Variants in ECHDC2 observed in about 807,000 individuals in gnomAD.
ECHDC2 encodes the protein enoyl-CoA hydratase domain containing 2, also known as enoyl-CoA hydratase domain-containing protein 2, mitochondrial.
ECHDC2 carries 34 observed loss-of-function variants against 40.6 expected under a neutral mutation model. The ratio of observed to expected loss-of-function variants is 0.84; its 90% confidence interval spans 0.64 to 1.11. The LOEUF (loss-of-function observed/expected upper bound fraction) is 1.11, where lower values mean the gene tolerates loss of function less well. Among genes scored for constraint, ECHDC2 ranks in the 50% most tolerant of loss-of-function variants. ECHDC2 has a pLI of 0.00. For synonymous variants in ECHDC2, 162 were observed against 166.6 expected (o/e 0.97, Z 0.21); for missense variants, 392 against 400.7 (o/e 0.98, Z 0.19).
chr1:52,902,943 C>T (rs1313485415), intron 7 of ECHDC2, among the ~76,000 whole-genome samples: 1 of 152,048 alleles, frequency 6.6e-6, no homozygotes. Flanking sequence ...CATTAAGGTA[C>T]CTAGCATTAT....
At chr1:52,911,864 G>C (rs1649604412) in intron 1 of ECHDC2, 74 bp from the exon 2 acceptor site, 1 of 1,580,454 alleles carries the variant, frequency 6.3e-7, no homozygotes, top group African/African-American at 1.3e-5. Context: ...GGGGACTGGA[G>C]GCAGGAGGCC....
intron 4 of ECHDC2, 150 bp downstream of exon 4, chr1:52,907,718 A>C: frequency 1.5e-6 from 1 of 656,060 alleles, no homozygotes; most frequent in South Asian, 2.1e-5. Context: ...GCCCTCGGTC[A>C]TCCTCCTCCA....
chr1:52,906,457 C>A (rs1358390974), intron 5 of ECHDC2, 62 bp downstream of exon 5: 1 of 1,345,688 alleles, frequency 7.4e-7, no homozygotes. Flanking sequence ...TCCAGACTCA[C>A]CCTGTTTCAC....
chr1:52,921,589 C>G lies in ECHDC2; in HGVS notation c.85G>C (p.Glu29Gln). The stretch of plus-strand genomic sequence containing the variant: ...CCCGCCAGGGCGCGCACTTGGATCT[C>G]TGAGCCCCCGGCCGCCCCGTCGGAA... The part of the protein sequence containing the change: ...CASDGAAGGS[E>Q]IQVRALAGPD... The change falls in exon 1 of 10, where the codon GAG becomes CAG. Residue 29 changes from glutamate (E) to glutamine (Q), a missense_variant. Physicochemically the swap from Glu to Gln is conservative, Grantham distance 29 (BLOSUM62 2). Coordinates refer to ENST00000371522, the MANE Select transcript of ECHDC2 (RefSeq NM_001198961.2). 6.2e-7 allele frequency: 1 copy of G among 1,608,240 alleles called. No individual in the cohort carries two copies. Among genetic ancestry groups the G allele is most frequent in the Non-Finnish European group, 8.5e-7 (1 of 1,178,002 alleles).
intron 7 of ECHDC2, among the ~76,000 whole-genome samples, chr1:52,903,813 CTTTCTTTCTTTT>C (rs1271953837): frequency 2.7e-5 from 4 of 149,596 alleles, no homozygotes; most frequent in Non-Finnish European, 4.4e-5. Context: ...GTATTTCTTT[CTTTCTTTCTTTT>C]TTTTTTTTTT....
rs1197613280 is a variant in ECHDC2 at position 52,908,915 on chromosome 1, G to T, written c.278-961C>A. ...AGATTGTGCCACTGCGCTCCATCCT[G>T]GGTGACAGAGTCTCAAAAAAAAAAA... On this transcript the variant is annotated intron_variant, in intron 3 of 9. Coordinates refer to ENST00000371522, the MANE Select transcript of ECHDC2 (RefSeq NM_001198961.2). Among the ~76,000 whole-genome samples, 7 of 142,764 alleles carry T rather than the reference G, an allele frequency of 4.9e-5. No individual in the cohort carries two copies. In the East Asian group the frequency reaches 1.4e-3, roughly 28 times the overall value. The allele number at this position is 142,764 out of a possible 152,430, so 93.7% of individuals were successfully genotyped here. A position where few individuals can be genotyped will look rare whatever the true frequency, so the allele number is the denominator to read the frequency against.
Position 52,908,929 on chromosome 1 carries a change from CAAAAAAAAAAAAAA to C in ECHDC2, c.278-989_278-976del, listed in dbSNP as rs34090739. Among the ~76,000 whole-genome samples, 242 of 43,870 alleles carry C rather than the reference CAAAAAAAAAAAAAA, an allele frequency of 5.5e-3. 2 individuals carry two copies. Among genetic ancestry groups the C allele is most frequent in the Middle Eastern group, 0.017 (1 of 58 alleles). The allele number at this position is 43,870 out of a possible 152,430, so 28.8% of individuals were successfully genotyped here. On this transcript the variant is annotated intron_variant, in intron 3 of 9. Coordinates refer to ENST00000371522, the MANE Select transcript of ECHDC2 (RefSeq NM_001198961.2). ...CGCTCCATCCTGGGTGACAGAGTCT[CAAAAAAAAAAAAAA>C]AAAAAAAAAAAGGAAAAAGGACTTG...
At chr1:52,896,697 G>A in intron 9 of ECHDC2, 100 bp from the exon 10 acceptor site, 1 of 958,754 alleles carries the variant, frequency 1.0e-6, no homozygotes, top group Non-Finnish European at 1.6e-6. Context: ...CAGGGTCCAA[G>A]TGTTTCCATT....
At chr1:52,921,216 G>T (rs980384657) in intron 1 of ECHDC2, among the ~76,000 whole-genome samples, 2 of 152,176 alleles carry the variant, frequency 1.3e-5, no homozygotes, top group Non-Finnish European at 2.9e-5. Flanking sequence ...CCCTTGGCGG[G>T]GGAGGGGAAC....
chr1:52,918,801 A>G (rs1398743203), intron 1 of ECHDC2, among the ~76,000 whole-genome samples: 1 of 152,184 alleles, frequency 6.6e-6, no homozygotes, highest in Non-Finnish European at 1.5e-5. Context: ...CTAGGTGTAC[A>G]GTGTTATAGA....
chr1:52,921,433 T>G lies in ECHDC2; in HGVS notation c.121+120A>C, dbSNP rs1557526577. 2.1e-6 allele frequency: 3 copies of G among 1,437,764 alleles called. No individual in the cohort carries two copies. In the African/African-American group the frequency reaches 4.4e-5, roughly 21 times the overall value. The allele number at this position is 1,437,764 out of a possible 1,614,324, so 89.1% of individuals were successfully genotyped here. Reference sequence around the variant, plus strand: ...TGGAGCGGTTTGGGGCGCCTAGAACTGGGAGGGAGGGACTGGGGATCGAAT... The same window carrying G: ...TGGAGCGGTTTGGGGCGCCTAGAACGGGGAGGGAGGGACTGGGGATCGAAT... On this transcript the variant is annotated intron_variant, in intron 1 of 9. Transcript: ENST00000371522.
chr1:52,899,107 T>G, intron 8 of ECHDC2, 67 bp downstream of exon 8: 2 of 1,524,320 alleles, frequency 1.3e-6, no homozygotes, highest in East Asian at 4.5e-5. Context: ...GTCTGAGCTC[T>G]GAAAGCACTG....
intron 1 of ECHDC2, 121 bp downstream of exon 1, chr1:52,921,432 C>T: frequency 3.5e-6 from 5 of 1,438,138 alleles, no homozygotes; most frequent in Non-Finnish European, 4.6e-6. Flanking sequence ...GCGCCTAGAA[C>T]TGGGAGGGAG....
chr1:52,917,570 G>A (rs1311764863), intron 1 of ECHDC2: 1 of 456,084 alleles, frequency 2.2e-6, no homozygotes, highest in Non-Finnish European at 4.4e-6. Flanking sequence ...GGGTAGAGGA[G>A]GGAGGATGGA....
At chr1:52,909,584 A>G (rs1264164208) in intron 3 of ECHDC2, among the ~76,000 whole-genome samples, 1 of 152,078 alleles carries the variant, frequency 6.6e-6, no homozygotes, top group Non-Finnish European at 1.5e-5. Context: ...AAGTTTACAA[A>G]TTTGTGTTGG....
Position 52,911,600 on chromosome 1 carries a change from G to A in ECHDC2, c.243C>T (p.Leu81=), listed in dbSNP as rs777683028. The change falls in exon 3 of 10, where the codon CTC becomes CTT. Residue 81 remains leucine (L), a synonymous_variant. Transcript: ENST00000371522. ...LREDRQVRVL[L]FRSGVKGVFC... The stretch of plus-strand genomic sequence containing the variant: ...ACACGCCCTTCACTCCACTTCTGAA[G>A]AGCAGGACACGCACTTGCCGGTCCT... 68 of 1,613,970 alleles carry A rather than the reference G, an allele frequency of 4.2e-5. No individual in the cohort carries two copies. The highest frequency in any genetic ancestry group is 5.6e-5 in the Non-Finnish European group (66 of 1,180,012).
chr1:52,906,137 T>A (rs2150049294), intron 5 of ECHDC2: 2 of 358,614 alleles, frequency 5.6e-6, no homozygotes, highest in East Asian at 7.3e-5. Flanking sequence ...CCTTTGTGAT[T>A]AGCTCAGCCA....
intron 3 of ECHDC2, among the ~76,000 whole-genome samples, chr1:52,909,966 CTACTCATTACAATAGAATGT>C (rs1334197065): frequency 1.3e-5 from 2 of 151,902 alleles, no homozygotes; most frequent in Non-Finnish European, 2.9e-5. Context: ...CAATAGAATG[CTACTCATTACAATAGAATGT>C]TACTCCATAA....
chr1:52,906,702 G>A, intron 4 of ECHDC2, 91 bp from the exon 5 acceptor site: 2 of 980,566 alleles, frequency 2.0e-6, no homozygotes, highest in Non-Finnish European at 3.0e-6. Flanking sequence ...GGTTGGGACA[G>A]AGGCCTCAGT....
Sources: allele counts gnomAD v4.1 joint callset (sites outside exome capture counted in the v4.1 genomes callset), GRCh38; gene constraint gnomAD v4.1.1; transcripts MANE v1.5; gene names NCBI Gene and HGNC (gene_info 2026-07-23, HGNC 2026-07-21).